The following ABLIM1 variants were observed in gnomAD, a reference collection of about 807,000 sequenced individuals.
The protein encoded by ABLIM1 is actin binding LIM protein 1.
ABLIM1 carries 40 observed loss-of-function variants against 107.0 expected under a neutral mutation model. That is an observed-to-expected ratio of 0.37 (90% CI 0.29 to 0.49). The LOEUF is 0.49. Among genes scored for constraint, ABLIM1 ranks in the 20% least tolerant of loss-of-function variants. The pLI, the probability that ABLIM1 is intolerant of heterozygous loss-of-function variation, is 0.97. For missense variants in ABLIM1, 857 were observed against 1,008.5 expected (o/e 0.85, Z 2.04); for synonymous variants, 357 against 357.3 (o/e 1.00, Z 0.01).
chr10:114,482,612 A>C (rs959045212), intron 8 of ABLIM1, among the ~76,000 whole-genome samples: 2 of 152,196 alleles, frequency 1.3e-5, no homozygotes, highest in African/African-American at 4.8e-5. Context: ...AGACCTTGCC[A>C]CACAGCCCAT....
rs41284352 is a variant in ABLIM1, at chr10:114,491,890, A to G, written c.895-12T>C. 5,477 of 1,600,466 alleles carry G rather than the reference A, an allele frequency of 3.4e-3. 46 individuals carry two copies. The highest frequency in any genetic ancestry group is 0.02 in the South Asian group (1,840 of 90,330). Reference sequence around the variant, plus strand: ...TGTTTGTCACCTGCCTGCAAGAGAAAAGGTAGGGAACGTTGAGTCTGCTCC... The same window carrying G: ...TGTTTGTCACCTGCCTGCAAGAGAAGAGGTAGGGAACGTTGAGTCTGCTCC... On this transcript the variant is annotated splice_polypyrimidine_tract_variant and intron_variant, in intron 6 of 22. Coordinates refer to ENST00000533213, the MANE Select transcript of ABLIM1 (RefSeq NM_002313.7).
intron 8 of ABLIM1, among the ~76,000 whole-genome samples, chr10:114,478,967 T>C (rs752684888): frequency 1.4e-4 from 22 of 152,204 alleles, no homozygotes; most frequent in Non-Finnish European, 2.9e-5. Flanking sequence ...TCTATGTATT[T>C]TATGTAAGAC....
intron 2 of ABLIM1, 165 bp downstream of exon 2, chr10:114,601,662 C>T (rs1174981812): frequency 8.7e-7 from 1 of 1,156,048 alleles, no homozygotes; most frequent in East Asian, 2.4e-5. Context: ...TCGTTCTCGC[C>T]CTAGAGTCTA....
At chr10:114,566,075 G>A (rs770872372) in intron 4 of ABLIM1, among the ~76,000 whole-genome samples, 7 of 152,164 alleles carry the variant, frequency 4.6e-5, no homozygotes, top group East Asian at 1.9e-4. Context: ...GATTAGAGGC[G>A]TGAGCCACCG....
At chr10:114,438,933 C>T (rs2059803663) in intron 21 of ABLIM1, among the ~76,000 whole-genome samples, 1 of 152,220 alleles carries the variant, frequency 6.6e-6, no homozygotes, top group Non-Finnish European at 1.5e-5. Context: ...CAAGGGAATA[C>T]CTTGGTCATA....
intron 10 of ABLIM1, among the ~76,000 whole-genome samples, chr10:114,472,270 T>A (rs1443815213): frequency 6.6e-6 from 1 of 152,172 alleles, no homozygotes; most frequent in African/African-American, 2.4e-5. Flanking sequence ...TTTTTTAATA[T>A]ATATAGATGA....
At chr10:114,739,071 T>A (rs371546602) in intron 1 of ABLIM1, among the ~76,000 whole-genome samples, 14 of 152,184 alleles carry the variant, frequency 9.2e-5, no homozygotes, top group African/African-American at 3.4e-4. Context: ...GGTGGTGATT[T>A]TAAGTAACTG....
intron 1 of ABLIM1, among the ~76,000 whole-genome samples, chr10:114,754,446 G>A (rs921437368): frequency 6.6e-6 from 1 of 152,226 alleles, no homozygotes; most frequent in African/African-American, 2.4e-5. Flanking sequence ...ATGCAGTCTA[G>A]ACGTGGCTGG....
the ABLIM1 span, among the ~76,000 whole-genome samples, chr10:114,787,605 G>T: frequency 6.8e-6 from 1 of 146,176 alleles, no homozygotes; most frequent in Non-Finnish European, 1.5e-5. Context: ...CGCCCGGCCA[G>T]CCGCCCCGTC....
rs1566049194 is a variant in ABLIM1 at position 114,596,779 on chromosome 10, C to T, written c.379+5048G>A. On this transcript the variant is annotated intron_variant, in intron 2 of 22. Coordinates refer to ENST00000533213, the MANE Select transcript of ABLIM1 (RefSeq NM_002313.7). ...GTAAAATGTTCAGTGTCCCCTTTCTCCTTTTTTTCAAAACCTATTTTTAGC... is the reference window on the plus strand; with the variant it reads ...GTAAAATGTTCAGTGTCCCCTTTCTTCTTTTTTTCAAAACCTATTTTTAGC... Among the ~76,000 whole-genome samples the T allele has an allele frequency of 1.3e-5, 2 of 152,182 alleles. 1 individual carries two copies. Among genetic ancestry groups the T allele is most frequent in the African/African-American group, 4.8e-5 (2 of 41,448 alleles).
chr10:114,581,387 C>T (rs916234363), intron 2 of ABLIM1, among the ~76,000 whole-genome samples: 3 of 152,170 alleles, frequency 2.0e-5, no homozygotes, highest in African/African-American at 7.2e-5. Context: ...TTCACTGCAA[C>T]ACTCCATCTG....
intron 1 of ABLIM1, among the ~76,000 whole-genome samples, chr10:114,738,863 C>G (rs956040542): frequency 6.6e-6 from 1 of 151,834 alleles, no homozygotes; most frequent in South Asian, 2.1e-4. Context: ...TCAGGATGCA[C>G]AAGGACATGC....
chr10:114,467,183 C>T (rs889902281), intron 11 of ABLIM1, among the ~76,000 whole-genome samples: 19 of 151,906 alleles, frequency 1.3e-4, no homozygotes, highest in Admixed American at 8.5e-4. Context: ...TTATGACATG[C>T]GAATTCAATG....
chr10:114,440,948 C>T (rs1163350144), intron 19 of ABLIM1, 69 bp downstream of exon 19: 2 of 1,442,314 alleles, frequency 1.4e-6, no homozygotes, highest in African/African-American at 1.4e-5. Flanking sequence ...AGCCAGTATA[C>T]TTGACTCTCA....
intron 1 of ABLIM1, among the ~76,000 whole-genome samples, chr10:114,743,875 A>AT (rs1424510912): frequency 6.6e-6 from 1 of 152,218 alleles, no homozygotes; most frequent in East Asian, 1.9e-4. Flanking sequence ...AGAAAAAAAA[A>AT]GCTGCCTTCT....
chr10:114,622,469 A>C (rs2077532517), intron 1 of ABLIM1, among the ~76,000 whole-genome samples: 1 of 151,940 alleles, frequency 6.6e-6, no homozygotes, highest in South Asian at 2.1e-4. Flanking sequence ...AGGGTCTCAC[A>C]CTTCCGAGCT....
intron 1 of ABLIM1, among the ~76,000 whole-genome samples, chr10:114,646,517 T>C (rs1404206149): frequency 1.3e-5 from 2 of 152,126 alleles, no homozygotes; most frequent in Non-Finnish European, 2.9e-5. Context: ...CAACCTTACA[T>C]CTAAGTAGAC....
At chr10:114,485,281 T>G in intron 8 of ABLIM1, 1 of 1,598,414 alleles carries the variant, frequency 6.3e-7, no homozygotes, top group Non-Finnish European at 8.6e-7. Flanking sequence ...AGCCCCAGCC[T>G]AGACACAATG....
At chr10:114,464,878 A>C (rs1305414459) in intron 12 of ABLIM1, among the ~76,000 whole-genome samples, 1 of 152,188 alleles carries the variant, frequency 6.6e-6, no homozygotes, top group Non-Finnish European at 1.5e-5. Context: ...GTCACCATTA[A>C]GTTTTATTAG....
Sources: allele counts gnomAD v4.1 joint callset (sites outside exome capture counted in the v4.1 genomes callset), GRCh38; gene constraint gnomAD v4.1.1; transcripts MANE v1.5; gene names NCBI Gene and HGNC (gene_info 2026-07-23, HGNC 2026-07-21).